GUCA1B: variants seen among roughly 807,000 people sequenced by gnomAD.
GUCA1B encodes the protein guanylyl cyclase-activating protein 2.
A neutral mutation model predicts 24.2 loss-of-function variants in GUCA1B; 22 were observed. The observed-to-expected ratio is 0.91, with a 90% CI of 0.65 to 1.30. The LOEUF (loss-of-function observed/expected upper bound fraction) is 1.30. Among genes scored for constraint, GUCA1B ranks in the 50% most tolerant of loss-of-function variants. The probability of loss-of-function intolerance (pLI) is 0.00; values close to 1 mark genes in which losing one functional copy is unlikely to be tolerated. For missense variants in GUCA1B, 221 were observed against 258.8 expected (o/e 0.85, Z 1.00); for synonymous variants, 100 against 97.9 (o/e 1.02, Z -0.13).
At chr6:42,194,381 C>A (rs576891660) in intron 1 of GUCA1B, among the ~76,000 whole-genome samples, 1 of 151,882 alleles carries the variant, frequency 6.6e-6, no homozygotes, top group Non-Finnish European at 1.5e-5. Flanking sequence ...CATCAGCCGA[C>A]AGCTAAGAGA....
At chr6:42,185,951 T>C (rs553877604) in intron 2 of GUCA1B, among the ~76,000 whole-genome samples, 154 bp from the exon 3 acceptor site, 29 of 152,272 alleles carry the variant, frequency 1.9e-4, no homozygotes, top group South Asian at 1.9e-3. Context: ...AAAACTGACC[T>C]GTCCTAAGGC....
intron 1 of GUCA1B, among the ~76,000 whole-genome samples, chr6:42,194,106 T>A (rs1308177614): frequency 6.6e-6 from 1 of 152,210 alleles, no homozygotes; most frequent in Non-Finnish European, 1.5e-5. Context: ...TCCCAATACA[T>A]GCAGGAGCCT....
At chr6:42,192,385 GAAAAGAAA>G (rs149106505) in intron 1 of GUCA1B, among the ~76,000 whole-genome samples, 58,049 of 80,268 alleles carry the variant, frequency 0.72, 19,335 homozygotes, top group East Asian at 0.9. Flanking sequence ...AAAAAAGAGA[GAAAAGAAA>G]AGAAAAGAAA....
At chr6:42,184,988 C>T in intron 3 of GUCA1B, 46 bp from the exon 4 acceptor site, 1 of 1,604,238 alleles carries the variant, frequency 6.2e-7, no homozygotes, top group Non-Finnish European at 8.5e-7. Flanking sequence ...AAGGGGAGAC[C>T]TGGGTCTGGG....
chr6:42,187,320 G>A (rs1234379053), intron 2 of GUCA1B, among the ~76,000 whole-genome samples: 1 of 151,934 alleles, frequency 6.6e-6, no homozygotes, highest in Non-Finnish European at 1.5e-5. Context: ...TAGCCAGAAT[G>A]GTCTCGATCT....
At position 42,184,313 on chromosome 6, in the gene GUCA1B, G is replaced by A. The variant is rs886061394; in HGVS notation, c.*502C>T. On this transcript the variant is annotated 3_prime_UTR_variant, in exon 4 of 4. Transcript: ENST00000230361. The stretch of plus-strand genomic sequence containing the variant: ...ACCCCGTGTTAGCCAGGATGGTCTC[G>A]ATCTCCTGACCTCGTGATCTGCCCG... 3.5e-5 allele frequency: 7 copies of A among 202,642 alleles called. No homozygotes were observed. The highest frequency in any genetic ancestry group is 9.1e-5 in the South Asian group (1 of 11,002). 12.6% of individuals were successfully genotyped at this position (202,642 alleles called of 1,614,324 possible).
chr6:42,193,144 A>C (rs1366615872), intron 1 of GUCA1B, among the ~76,000 whole-genome samples: 2 of 152,196 alleles, frequency 1.3e-5, no homozygotes, highest in Non-Finnish European at 2.9e-5. Flanking sequence ...GTAAATTTAG[A>C]ATCATAGTAA....
At chr6:42,193,127 C>A (rs1231303067) in intron 1 of GUCA1B, among the ~76,000 whole-genome samples, 1 of 152,018 alleles carries the variant, frequency 6.6e-6, no homozygotes, top group Admixed American at 6.5e-5. Flanking sequence ...ATTCTTATAA[C>A]TCTTCTGTAA....
chr6:42,193,312 G>A (rs998518346), intron 1 of GUCA1B, among the ~76,000 whole-genome samples: 7 of 152,252 alleles, frequency 4.6e-5, no homozygotes, highest in African/African-American at 1.7e-4. Context: ...ATGAATCTGG[G>A]GAAGATTGAT....
rs137853903 is a variant in GUCA1B, at chr6:42,188,686, C to T, written c.253G>A (p.Val85Met). The change falls in exon 2 of 4, where the codon GTG becomes ATG. Residue 85 changes from valine to methionine, a missense_variant. Physicochemically the swap from Val to Met is conservative, Grantham distance 21 (BLOSUM62 1). Coordinates refer to ENST00000230361, the MANE Select transcript of GUCA1B (RefSeq NM_002098.6). ...FLEYVAALNL[V>M]LRGTLEHKLK... ...TTGTGCTCCAGGGTGCCCCTCAGCACGAGATTCAGAGCTGCCACGTACTCC... is the reference window on the plus strand; with the variant it reads ...TTGTGCTCCAGGGTGCCCCTCAGCATGAGATTCAGAGCTGCCACGTACTCC... 1,502 of 1,614,084 alleles carry T rather than the reference C, an allele frequency of 9.3e-4. 18 individuals carry two copies. In the African/African-American group the frequency reaches 0.015, roughly 16 times the overall value.
At chr6:42,186,533 C>T (rs2113844489) in intron 2 of GUCA1B, among the ~76,000 whole-genome samples, 1 of 152,126 alleles carries the variant, frequency 6.6e-6, no homozygotes, top group East Asian at 1.9e-4. Context: ...ATAGAGGTTG[C>T]AGTGGGCCGA....
intron 2 of GUCA1B, among the ~76,000 whole-genome samples, chr6:42,186,538 G>A (rs111841823): frequency 0.27 from 40,850 of 151,776 alleles, 6,315 homozygotes; most frequent in African/African-American, 0.43. Flanking sequence ...GGTTGCAGTG[G>A]GCCGAGATTG....
At chr6:42,193,564 AC>A (rs1338332193) in intron 1 of GUCA1B, among the ~76,000 whole-genome samples, 1 of 152,100 alleles carries the variant, frequency 6.6e-6, no homozygotes, top group African/African-American at 2.4e-5. Context: ...TTCAGAGGAG[AC>A]CTAAGAGAGG....
At chr6:42,194,356 A>G (rs985554612) in intron 1 of GUCA1B, among the ~76,000 whole-genome samples, 3 of 152,224 alleles carry the variant, frequency 2.0e-5, no homozygotes, top group Admixed American at 2.0e-4. Flanking sequence ...GCTCTCAAGA[A>G]GAGGACACAG....
In GUCA1B at chr6:42,184,095, CTT is replaced by C. The variant is rs781581603; in HGVS notation, c.*718_*719del. Among the ~76,000 whole-genome samples, 9 of 141,198 alleles carry C rather than the reference CTT, an allele frequency of 6.4e-5. No homozygotes were observed. The highest frequency in any genetic ancestry group is 1.4e-4 in the Admixed American group (2 of 14,420). The allele number at this position is 141,198 out of a possible 152,430, so 92.6% of individuals were successfully genotyped here. On this transcript the variant is annotated 3_prime_UTR_variant, in exon 4 of 4. Coordinates refer to ENST00000230361, the MANE Select transcript of GUCA1B (RefSeq NM_002098.6). ...AAAACTCCTGCCTTTTCTTTTCTTTCTTTTTTTTTTTTTGAGACGGAGTCTCA... is the reference window on the plus strand; with the variant it reads ...AAAACTCCTGCCTTTTCTTTTCTTTCTTTTTTTTTTTGAGACGGAGTCTCA...
chr6:42,185,336 T>C (rs968813764), intron 3 of GUCA1B, among the ~76,000 whole-genome samples: 7 of 152,124 alleles, frequency 4.6e-5, no homozygotes, highest in African/African-American at 1.7e-4. Flanking sequence ...AAACACATTA[T>C]CCTATTCATT....
intron 1 of GUCA1B, 129 bp downstream of exon 1, chr6:42,194,484 GA>G: frequency 1.4e-6 from 1 of 721,178 alleles, no homozygotes; most frequent in Non-Finnish European, 2.5e-6. Context: ...AAAAGGTAAA[GA>G]GAGACGGAGT....
At chr6:42,193,187 T>C (rs938404631) in intron 1 of GUCA1B, among the ~76,000 whole-genome samples, 4 of 152,164 alleles carry the variant, frequency 2.6e-5, no homozygotes, top group Admixed American at 2.6e-4. Flanking sequence ...GAAAAAACAT[T>C]GATGAACATC....
chr6:42,184,635 C>CT lies in GUCA1B; in HGVS notation c.*179dup. 2 of 707,884 alleles carry CT rather than the reference C, an allele frequency of 2.8e-6. No homozygotes were observed. Among genetic ancestry groups the CT allele is most frequent in the South Asian group, 2.9e-5 (2 of 68,002 alleles). The allele number at this position is 707,884 out of a possible 1,614,324, so 43.9% of individuals were successfully genotyped here. The stretch of plus-strand genomic sequence containing the variant: ...ATCCCAGGGACTCCTCCAAAATGGA[C>CT]TATGCCCTGTTGGCCACTTCAAACC... On this transcript the variant is annotated 3_prime_UTR_variant, in exon 4 of 4. Coordinates refer to ENST00000230361, the MANE Select transcript of GUCA1B (RefSeq NM_002098.6).
Sources: allele counts gnomAD v4.1 joint callset (sites outside exome capture counted in the v4.1 genomes callset), GRCh38; gene constraint gnomAD v4.1.1; transcripts MANE v1.5; gene names NCBI Gene and HGNC (gene_info 2026-07-23, HGNC 2026-07-21).